Variants in VANGL2 observed in about 807,000 individuals in gnomAD.
VANGL2 encodes the protein vang-like protein 2.
In VANGL2, 14 loss-of-function variants were observed where a neutral mutation model predicts 50.2. That is an observed-to-expected ratio of 0.28 (90% confidence interval 0.18 to 0.44). VANGL2 has a LOEUF of 0.44. Among genes scored for constraint, VANGL2 ranks in the 20% least tolerant of loss-of-function variants. The pLI, the probability that VANGL2 is intolerant of heterozygous loss-of-function variation, is 1.00. For missense variants in VANGL2, 533 were observed against 701.5 expected (o/e 0.76, Z 2.71); for synonymous variants, 295 against 297.2 (o/e 0.99, Z 0.08).
chr1:160,425,664 T>G lies in VANGL2; in HGVS notation c.*286T>G, dbSNP rs1651427892. ...GCAGGAATCAGTGCCTCTCTCCCTC[T>G]TCTTTCCCTAGTCTTTTCCCAGATT... is the stretch of plus-strand genomic sequence containing the variant. On this transcript the variant is annotated 3_prime_UTR_variant, in exon 8 of 8. Transcript: ENST00000368061. The G allele has an allele frequency of 1.1e-5, 4 of 374,150 alleles. No homozygotes were observed. Among genetic ancestry groups the G allele is most frequent in the Non-Finnish European group, 1.9e-5 (4 of 206,686 alleles). 23.2% of individuals were successfully genotyped at this position (374,150 alleles called of 1,614,324 possible).
At chr1:160,416,212 C>G (rs57840242) in intron 3 of VANGL2, 30 bp downstream of exon 3, 6 of 1,613,458 alleles carry the variant, frequency 3.7e-6, no homozygotes, top group Admixed American at 3.3e-5. Context: ...TGGTCCAGAC[C>G]GGGCATTTTC....
In VANGL2 at chr1:160,419,019, A is replaced by T; in HGVS notation, c.210A>T (p.Glu70Asp). 6.2e-7 allele frequency: 1 copy of T among 1,606,924 alleles called. No individual in the cohort carries two copies. Among genetic ancestry groups the T allele is most frequent in the South Asian group, 1.1e-5 (1 of 90,558 alleles). Residue 70 changes from glutamate (E) to aspartate (D), a missense_variant, in exon 4 of 8, where the codon GAA becomes GAT. By Grantham distance (45) the Glu-to-Asp change is conservative. Transcript: ENST00000368061. This position sits in a 1 kb window ranked among gnomAD's most constrained non-coding sequence, Gnocchi z 5.8. ...RGDERDDNWG[E>D]TTTVVTGTSE... ...GCCTGTAGGATGACAACTGGGGGGA[A>T]ACGACGACAGTAGTAACGGGCACCT...
At chr1:160,421,368 C>T (rs961537059) in intron 6 of VANGL2, among the ~76,000 whole-genome samples, 181 bp downstream of exon 6, 2 of 152,184 alleles carry the variant, frequency 1.3e-5, no homozygotes, top group African/African-American at 4.8e-5. Context: ...TGAAACAGCA[C>T]ACATTTATTA....
In VANGL2 at chr1:160,427,787, C is replaced by G. The variant is rs2101977027; in HGVS notation, c.*2409C>G. ...TCATTCTCCTGCTGTGGGGGTATGC[C>G]CACCTCTTACCCCCTTGACACCATA... On this transcript the variant is annotated 3_prime_UTR_variant, in exon 8 of 8. Transcript: ENST00000368061. 6.6e-6 allele frequency: 1 copy of G among 152,584 alleles called. No individual in the cohort carries two copies. Among genetic ancestry groups the G allele is most frequent in the Middle Eastern group, 3.4e-3 (1 of 294 alleles). The allele number at this position is 152,584 out of a possible 1,614,324, so 9.5% of individuals were successfully genotyped here. A position where few individuals can be genotyped will look rare whatever the true frequency, so the allele number is the denominator to read the frequency against.
rs781329666 is a variant in VANGL2 at position 160,419,236 on chromosome 1, A to G, written c.427A>G (p.Thr143Ala). ...GCGGGAGGAGCTGGAGCCTTGCGGGACGGCCTGCGAGGGCCTCTTCATCTC... is the reference window on the plus strand; with the variant it reads ...GCGGGAGGAGCTGGAGCCTTGCGGGGCGGCCTGCGAGGGCCTCTTCATCTC... ...LWREELEPCG[T>A]ACEGLFISVA... is the part of the protein sequence containing the mutation. The change falls in exon 4 of 8, where the codon ACG (threonine) becomes GCG (alanine). Residue 143 changes from threonine to alanine, a missense_variant. Thr to Ala is a moderately conservative substitution (Grantham distance 58). Coordinates refer to ENST00000368061, the MANE Select transcript of VANGL2 (RefSeq NM_020335.3). This position sits in a 1 kb window ranked among gnomAD's most constrained non-coding sequence, Gnocchi z 5.8. 3 of 1,609,090 alleles carry G rather than the reference A, an allele frequency of 1.9e-6. No individual in the cohort carries two copies. The highest frequency in any genetic ancestry group is 2.5e-6 in the Non-Finnish European group (3 of 1,179,926).
At chr1:160,409,329 T>A (rs1271366504) in intron 1 of VANGL2, among the ~76,000 whole-genome samples, 1 of 152,218 alleles carries the variant, frequency 6.6e-6, no homozygotes, top group African/African-American at 2.4e-5. Flanking sequence ...CTTCTCTCTC[T>A]GGGTCCCACT....
At chr1:160,409,148 C>T (rs1054594081) in intron 1 of VANGL2, among the ~76,000 whole-genome samples, 1 of 152,162 alleles carries the variant, frequency 6.6e-6, no homozygotes, top group African/African-American at 2.4e-5. Context: ...CTGTCGTGGC[C>T]CTCTTGCAGT....
At chr1:160,413,647 G>A (rs1201957635) in intron 1 of VANGL2, among the ~76,000 whole-genome samples, 1 of 152,134 alleles carries the variant, frequency 6.6e-6, no homozygotes, top group African/African-American at 2.4e-5. Context: ...ATTTCTGGCT[G>A]CCTTGAGACC....
rs139084368 is a variant in VANGL2 at position 160,419,571 on chromosome 1, C to T, written c.762C>T (p.Thr254=). Residue 254 remains threonine, a synonymous_variant, in exon 4 of 8, where the codon ACC becomes ACT. Coordinates refer to ENST00000368061, the MANE Select transcript of VANGL2 (RefSeq NM_020335.3). This position sits in a 1 kb window ranked among gnomAD's most constrained non-coding sequence, Gnocchi z 5.8. ...PQFTLKVVRS[T]DGASRFYNVG... ...TCACGCTCAAGGTCGTGCGCTCCAC[C>T]GACGGCGCCAGCCGCTTCTACAACG... 25 of 1,599,572 alleles carry T rather than the reference C, an allele frequency of 1.6e-5. No homozygotes were observed. The highest frequency in any genetic ancestry group is 1.3e-4 in the Admixed American group (8 of 59,958).
chr1:160,424,322 C>T, intron 7 of VANGL2, 39 bp downstream of exon 7: 2 of 1,587,026 alleles, frequency 1.3e-6, no homozygotes, highest in Non-Finnish European at 1.7e-6. Flanking sequence ...CCTCCTTCCC[C>T]AGCTCCTCTT....
chr1:160,401,653 G>A (rs532005075), intron 1 of VANGL2, among the ~76,000 whole-genome samples: 2 of 152,178 alleles, frequency 1.3e-5, no homozygotes, highest in East Asian at 3.9e-4. Flanking sequence ...GAGTGTGTGT[G>A]CACCCAGGGA....
chr1:160,412,087 G>A (rs1174251135), intron 1 of VANGL2, among the ~76,000 whole-genome samples: 2 of 152,120 alleles, frequency 1.3e-5, no homozygotes, highest in Admixed American at 1.3e-4. Flanking sequence ...CCCATGAAAA[G>A]GCATCATTGT....
At position 160,421,198 on chromosome 1, in the gene VANGL2, G is replaced by T; in HGVS notation, c.1073+11G>T. 6.2e-7 allele frequency: 1 copy of T among 1,612,504 alleles called. No homozygotes were observed. Among genetic ancestry groups the T allele is most frequent in the Non-Finnish European group, 8.5e-7 (1 of 1,179,982 alleles). On this transcript the variant is annotated intron_variant, in intron 6 of 7. Transcript: ENST00000368061. ...CAAGAGGAGGGCCAGGTGGGTCCCT[G>T]GGGGAGAAGAGGAGAGGAGGTGCTT...
intron 1 of VANGL2, among the ~76,000 whole-genome samples, chr1:160,403,696 A>G (rs1217118419): frequency 1.3e-5 from 2 of 152,200 alleles, no homozygotes; most frequent in African/African-American, 4.8e-5. Context: ...TCAAGTGTTC[A>G]TCACATTGTG....
chr1:160,417,569 G>C (rs1269518916), intron 3 of VANGL2, among the ~76,000 whole-genome samples: 2 of 152,228 alleles, frequency 1.3e-5, no homozygotes, highest in Non-Finnish European at 2.9e-5. Context: ...GTGGCCTTGA[G>C]TCTGCACAGT....
At chr1:160,417,442 G>C (rs1433852251) in intron 3 of VANGL2, among the ~76,000 whole-genome samples, 1 of 152,182 alleles carries the variant, frequency 6.6e-6, no homozygotes, top group African/African-American at 2.4e-5. Flanking sequence ...ACCACACTTA[G>C]AGGGACACCT....
rs1473199938 is a variant in VANGL2 at position 160,426,893 on chromosome 1, C to G, written c.*1515C>G. ...ACTGGTTGGTACTTACCTTGCAGAG[C>G]ACATCCTGGGATAAGATCCCCAGTG... is the stretch of plus-strand genomic sequence containing the variant. On this transcript the variant is annotated 3_prime_UTR_variant, in exon 8 of 8. Coordinates refer to ENST00000368061, the MANE Select transcript of VANGL2 (RefSeq NM_020335.3). The G allele has an allele frequency of 6.6e-6, 1 of 152,340 alleles. No homozygotes were observed. Among genetic ancestry groups the G allele is most frequent in the African/African-American group, 2.4e-5 (1 of 41,470 alleles). The allele number at this position is 152,340 out of a possible 1,614,324, so 9.4% of individuals were successfully genotyped here.
At position 160,419,649 on chromosome 1, in the gene VANGL2, G is replaced by T. The variant is rs1242945723; in HGVS notation, c.800+40G>T. 6.3e-7 allele frequency: 1 copy of T among 1,594,336 alleles called. No individual in the cohort carries two copies. Among genetic ancestry groups the T allele is most frequent in the African/African-American group, 1.3e-5 (1 of 74,808 alleles). On this transcript the variant is annotated intron_variant, in intron 4 of 7. Coordinates refer to ENST00000368061, the MANE Select transcript of VANGL2 (RefSeq NM_020335.3). The surrounding 1 kb of genome is among the most constrained non-coding windows in gnomAD (Gnocchi z 5.8). ...CTGGAGAAGGGTTGGGAGGGAAAGG[G>T]CATGGGAGGATGTGGAGTGACTGCT...
intron 6 of VANGL2, 91 bp downstream of exon 6, chr1:160,421,278 A>T: frequency 4.6e-6 from 7 of 1,534,102 alleles, no homozygotes; most frequent in Non-Finnish European, 6.2e-6. Context: ...CTGGAAATAT[A>T]GGGCAATGAT....
Sources: gnomAD v4.1 joint callset for allele counts (sites outside exome capture counted in the v4.1 genomes callset) on GRCh38, gnomAD v4.1.1 for gene constraint, Gnocchi (gnomAD v3.1) non-coding constraint, MANE v1.5 for transcripts, NCBI Gene and HGNC (gene_info 2026-07-23, HGNC 2026-07-21) for gene names.